The following RUNX2 variants were observed in gnomAD, a reference collection of about 807,000 sequenced individuals.
RUNX2 encodes the protein runt-related transcription factor 2.
Under a neutral mutation model 51.7 loss-of-function variants are expected in RUNX2, and 10 were observed. That is an observed-to-expected ratio of 0.19 (90% confidence interval 0.12 to 0.33). RUNX2 has a LOEUF of 0.33. Ranked by LOEUF, RUNX2 falls within the 10% of genes least tolerant of loss-of-function variation. The pLI, the probability that RUNX2 is intolerant of heterozygous loss-of-function variation, is 1.00. For missense variants in RUNX2, 562 were observed against 691.3 expected, an observed-to-expected ratio of 0.81 and a Z score of 2.10; for synonymous variants, 276 against 273.6, an observed-to-expected ratio of 1.01 and a Z score of -0.09.
At chr6:45,469,070 T>G (rs1275111905) in intron 5 of RUNX2, among the ~76,000 whole-genome samples, 1 of 152,262 alleles carries the variant, frequency 6.6e-6, no homozygotes, top group Admixed American at 6.5e-5. Flanking sequence ...TACACCCCAT[T>G]AAATTTTCCT....
At chr6:45,346,449 A>G (rs770997154) in intron 2 of RUNX2, among the ~76,000 whole-genome samples, 2 of 152,156 alleles carry the variant, frequency 1.3e-5, no homozygotes, top group Non-Finnish European at 2.9e-5. Flanking sequence ...ACAGTACACT[A>G]AACTACACAC....
intron 2 of RUNX2, among the ~76,000 whole-genome samples, chr6:45,406,097 A>G (rs1797828155): frequency 6.6e-6 from 1 of 152,202 alleles, no homozygotes; most frequent in African/African-American, 2.4e-5. Flanking sequence ...TATTTCACAA[A>G]TTCTCGACTG....
intron 5 of RUNX2, among the ~76,000 whole-genome samples, chr6:45,444,258 G>A (rs1798928817): frequency 6.6e-6 from 1 of 152,204 alleles, no homozygotes; most frequent in African/African-American, 2.4e-5. Context: ...AAAAATTTTT[G>A]TGTGTCGGGT....
At chr6:45,444,040 G>A (rs1313551852) in intron 5 of RUNX2, among the ~76,000 whole-genome samples, 1 of 152,016 alleles carries the variant, frequency 6.6e-6, no homozygotes, top group Admixed American at 6.6e-5. Flanking sequence ...TAGTAGAGAC[G>A]GGATTTTGCC....
intron 2 of RUNX2, among the ~76,000 whole-genome samples, chr6:45,368,957 T>A (rs1277010565): frequency 1.3e-5 from 2 of 152,020 alleles, no homozygotes; most frequent in Non-Finnish European, 2.9e-5. Context: ...GATCTAAATT[T>A]CTTCTGATGT....
intron 5 of RUNX2, among the ~76,000 whole-genome samples, chr6:45,485,689 G>GTATATATATA (rs1563107039): frequency 2.6e-5 from 2 of 75,678 alleles, no homozygotes; most frequent in African/African-American, 9.8e-5. Flanking sequence ...GTGTGTGTGT[G>GTATATATATA]TGTGTGTGTA....
At chr6:45,504,084 G>A (rs1800881593) in intron 6 of RUNX2, among the ~76,000 whole-genome samples, 2 of 152,054 alleles carry the variant, frequency 1.3e-5, no homozygotes, top group South Asian at 4.1e-4. Flanking sequence ...GTCTCCTGCT[G>A]GATGATTCTG....
In RUNX2 at chr6:45,334,147, G is replaced by A. The variant is rs372501401; in HGVS notation, c.58+5363G>A. Among the ~76,000 whole-genome samples the A allele has an allele frequency of 2.0e-5, 3 of 151,014 alleles. No homozygotes were observed. The East Asian group carries it at 5.8e-4, about 29-fold the overall frequency. ...TATACATTAGTTACATCAGATTAGT[G>A]ACATTTCTAAAAAGGTATATCTAAA... On this transcript the variant is annotated intron_variant, in intron 2 of 8. Transcript: ENST00000647337.
chr6:45,352,826 T>C (rs1302709762), intron 2 of RUNX2, among the ~76,000 whole-genome samples: 1 of 152,098 alleles, frequency 6.6e-6, no homozygotes, highest in Non-Finnish European at 1.5e-5. Context: ...TATCTACATA[T>C]ATATAATTCT....
At chr6:45,390,439 C>CT (rs1336617875) in intron 2 of RUNX2, among the ~76,000 whole-genome samples, 1 of 152,136 alleles carries the variant, frequency 6.6e-6, no homozygotes, top group Non-Finnish European at 1.5e-5. Context: ...TTATCATGTG[C>CT]TTTTTCACCT....
At chr6:45,344,970 G>A (rs1262068624) in intron 2 of RUNX2, among the ~76,000 whole-genome samples, 1 of 152,144 alleles carries the variant, frequency 6.6e-6, no homozygotes, top group Admixed American at 6.5e-5. Flanking sequence ...TCATTCTGGT[G>A]AGTTTAGAAA....
At chr6:45,464,698 G>C (rs1053785227) in intron 5 of RUNX2, among the ~76,000 whole-genome samples, 12 of 152,208 alleles carry the variant, frequency 7.9e-5, no homozygotes, top group African/African-American at 2.9e-4. Flanking sequence ...TGATTGAGCA[G>C]CTAGGTAGCC....
At chr6:45,341,711 G>A (rs1428246439) in intron 2 of RUNX2, among the ~76,000 whole-genome samples, 2 of 152,168 alleles carry the variant, frequency 1.3e-5, no homozygotes, top group African/African-American at 4.8e-5. Context: ...ATAGTTAAAA[G>A]TCCTCAGCAG....
At chr6:45,455,400 G>T (rs1168661281) in intron 5 of RUNX2, among the ~76,000 whole-genome samples, 4 of 152,122 alleles carry the variant, frequency 2.6e-5, no homozygotes, top group Admixed American at 6.5e-5. Context: ...GGTGAGCTTG[G>T]TAATTAAAAG....
At chr6:45,423,528 T>A (rs1255751962) in intron 3 of RUNX2, among the ~76,000 whole-genome samples, 1 of 151,934 alleles carries the variant, frequency 6.6e-6, no homozygotes, top group African/African-American at 2.4e-5. Flanking sequence ...ACCCGCAGAG[T>A]TCAGCGGTCC....
At chr6:45,386,912 T>A (rs1276306251) in intron 2 of RUNX2, among the ~76,000 whole-genome samples, 1 of 151,988 alleles carries the variant, frequency 6.6e-6, no homozygotes, top group African/African-American at 2.4e-5. Flanking sequence ...CTTGGAATAA[T>A]TTTTTTTAAT....
At chr6:45,523,459 CG>C (rs1226938100) in intron 7 of RUNX2, among the ~76,000 whole-genome samples, 1 of 151,646 alleles carries the variant, frequency 6.6e-6, no homozygotes, top group Non-Finnish European at 1.5e-5. Context: ...TTAGTAGAGA[CG>C]GGGTTTCACC....
intron 5 of RUNX2, among the ~76,000 whole-genome samples, chr6:45,465,006 A>G (rs1213087931): frequency 6.6e-6 from 1 of 152,212 alleles, no homozygotes; most frequent in African/African-American, 2.4e-5. Context: ...AAGATTTGCC[A>G]TCTTTTGAGC....
At chr6:45,389,835 C>A (rs1422268202) in intron 2 of RUNX2, among the ~76,000 whole-genome samples, 1 of 151,896 alleles carries the variant, frequency 6.6e-6, no homozygotes, top group Non-Finnish European at 1.5e-5. Flanking sequence ...CATGGTGAAA[C>A]CACGTCTCTA....
Sources: gnomAD v4.1 joint callset for allele counts (sites outside exome capture counted in the v4.1 genomes callset) on GRCh38, gnomAD v4.1.1 for gene constraint, MANE v1.5 for transcripts, NCBI Gene and HGNC (gene_info 2026-07-23, HGNC 2026-07-21) for gene names.